The following COL28A1 variants were observed in gnomAD, a reference collection of about 807,000 sequenced individuals.
The protein encoded by COL28A1 is collagen alpha-1(XXVIII) chain.
In COL28A1, 161 loss-of-function variants were observed where a neutral mutation model predicts 150.2. The observed-to-expected ratio is 1.07, with a 90% CI of 0.94 to 1.22. The LOEUF is 1.22. Among genes scored for constraint, COL28A1 ranks in the 50% most tolerant of loss-of-function variants. The probability of loss-of-function intolerance (pLI) is 0.00; values close to 1 mark genes in which losing one functional copy is unlikely to be tolerated. For missense variants in COL28A1, 1,617 were observed against 1,388.3 expected, an observed-to-expected ratio of 1.16 and a Z score of -2.62; for synonymous variants, 552 against 469.7, an observed-to-expected ratio of 1.18 and a Z score of -2.26.
intron 20 of COL28A1, among the ~76,000 whole-genome samples, chr7:7,442,411 T>C (rs905048745): frequency 6.6e-6 from 1 of 152,078 alleles, no homozygotes; most frequent in Non-Finnish European, 1.5e-5. Flanking sequence ...CAAAAACACA[T>C]CCTAAAAACA....
At chr7:7,459,978 T>C (rs1279859671) in intron 15 of COL28A1, among the ~76,000 whole-genome samples, 5 of 152,228 alleles carry the variant, frequency 3.3e-5, no homozygotes, top group Admixed American at 3.3e-4. Context: ...GCTACTTCTA[T>C]CAGTTATGAC....
At chr7:7,475,172 T>C (rs1788759556) in intron 14 of COL28A1, among the ~76,000 whole-genome samples, 1 of 152,214 alleles carries the variant, frequency 6.6e-6, no homozygotes, top group Non-Finnish European at 1.5e-5. Flanking sequence ...GAAAATCTTC[T>C]TAGATATGCT....
chr7:7,425,152 T>C (rs183810069), intron 25 of COL28A1, among the ~76,000 whole-genome samples: 37 of 152,294 alleles, frequency 2.4e-4, no homozygotes, highest in Admixed American at 2.0e-3. Flanking sequence ...CCTGATCTTA[T>C]CAACATCAAC....
intron 25 of COL28A1, among the ~76,000 whole-genome samples, chr7:7,430,402 C>T (rs760758995): frequency 2.0e-5 from 3 of 152,308 alleles, no homozygotes; most frequent in East Asian, 1.9e-4. Context: ...GCTGGAATTA[C>T]AGGCATGAGC....
intron 19 of COL28A1, 54 bp from the exon 20 acceptor site, chr7:7,443,707 G>A (rs1335565418): frequency 6.8e-6 from 11 of 1,606,302 alleles, no homozygotes; most frequent in East Asian, 2.2e-5. Flanking sequence ...CAGACTGTAC[G>A]TATCATCCCA....
At chr7:7,497,176 T>C (rs1031308536) in intron 11 of COL28A1, among the ~76,000 whole-genome samples, 3 of 152,180 alleles carry the variant, frequency 2.0e-5, no homozygotes, top group Non-Finnish European at 4.4e-5. Flanking sequence ...TCAAGCTCCA[T>C]TTTTAGCACC....
chr7:7,443,716 C>T, intron 19 of COL28A1, 63 bp from the exon 20 acceptor site: 1 of 1,595,868 alleles, frequency 6.3e-7, no homozygotes, highest in Non-Finnish European at 8.5e-7. Flanking sequence ...CGTATCATCC[C>T]ACCTTGTCTC....
chr7:7,350,782 G>A, the COL28A1 span, among the ~76,000 whole-genome samples: 8 of 147,984 alleles, frequency 5.4e-5, no homozygotes, highest in South Asian at 8.4e-4. Context: ...TTATTAAGAC[G>A]TACAAAAAAA....
At chr7:7,378,744 A>C (rs1432041120) in intron 30 of COL28A1, among the ~76,000 whole-genome samples, 1 of 152,212 alleles carries the variant, frequency 6.6e-6, no homozygotes, top group African/African-American at 2.4e-5. Flanking sequence ...CGTAATGTCC[A>C]ACCTGACTTG....
chr7:7,476,659 G>T (rs1788912728), intron 14 of COL28A1, among the ~76,000 whole-genome samples: 1 of 152,120 alleles, frequency 6.6e-6, no homozygotes, highest in African/African-American at 2.4e-5. Context: ...TAGTTAAAAA[G>T]GAAGTCTTTC....
rs768202073 is a variant in COL28A1 at position 7,489,458 on chromosome 7, C to T, written c.1096-1G>A. 1 of 1,286,502 alleles carries T rather than the reference C, an allele frequency of 7.8e-7. No individual in the cohort carries two copies. The highest frequency in any genetic ancestry group is 2.3e-5 in the East Asian group (1 of 43,440). The allele number at this position is 1,286,502 out of a possible 1,614,324, so 79.7% of individuals were successfully genotyped here. ...GTCTTCCTTCTTGGCCTCTTTCTCC[C>T]TAAGAGAAAGAAATAATAGAATGAA... On this transcript the variant is annotated splice_acceptor_variant, in intron 12 of 34. Coordinates refer to ENST00000399429, the MANE Select transcript of COL28A1 (RefSeq NM_001037763.3). LOFTEE classifies it high-confidence loss of function.
downstream of COL28A1, among the ~76,000 whole-genome samples, chr7:7,352,367 A>C (rs375713368): frequency 2.4e-4 from 37 of 152,176 alleles, no homozygotes; most frequent in Non-Finnish European, 1.0e-4. Context: ...CTGCTCCCCA[A>C]TCTCTCCTGT....
intron 5 of COL28A1, among the ~76,000 whole-genome samples, chr7:7,521,169 C>T (rs559301320): frequency 1.3e-5 from 2 of 152,208 alleles, no homozygotes; most frequent in South Asian, 4.2e-4. Context: ...TGGAATTATA[C>T]AAATAAATAG....
chr7:7,451,140 G>A (rs1432674098), intron 18 of COL28A1, among the ~76,000 whole-genome samples: 1 of 152,064 alleles, frequency 6.6e-6, no homozygotes, highest in Non-Finnish European at 1.5e-5. Context: ...AGTCAGTGTG[G>A]TAAAACATTA....
At chr7:7,493,762 GA>G (rs1780052636) in intron 11 of COL28A1, among the ~76,000 whole-genome samples, 2 of 151,958 alleles carry the variant, frequency 1.3e-5, no homozygotes, top group African/African-American at 4.8e-5. Flanking sequence ...AACAGGGAGG[GA>G]AGAGTCAGCA....
At chr7:7,384,101 T>C (rs1782048092) in intron 27 of COL28A1, among the ~76,000 whole-genome samples, 1 of 152,112 alleles carries the variant, frequency 6.6e-6, no homozygotes, top group African/African-American at 2.4e-5. Context: ...TGGTATTGCC[T>C]CCCCAGTTCA....
chr7:7,368,266 T>C (rs1251977858), intron 33 of COL28A1, among the ~76,000 whole-genome samples: 1 of 152,148 alleles, frequency 6.6e-6, no homozygotes, highest in African/African-American at 2.4e-5. Flanking sequence ...TAATTAGTCC[T>C]TAAATTACCT....
chr7:7,401,020 G>GTT (rs1554264707), intron 27 of COL28A1, among the ~76,000 whole-genome samples: 1 of 147,208 alleles, frequency 6.8e-6, no homozygotes, highest in East Asian at 2.0e-4. Flanking sequence ...GTGTGTGTGT[G>GTT]TGTGTACAGC....
chr7:7,539,311 G>A (rs753637759), upstream of COL28A1, among the ~76,000 whole-genome samples: 3 of 152,172 alleles, frequency 2.0e-5, no homozygotes, highest in Non-Finnish European at 2.9e-5. Context: ...GGGGACCAGC[G>A]TGTGCAGATC....
Sources: gnomAD v4.1 joint callset for allele counts (sites outside exome capture counted in the v4.1 genomes callset) on GRCh38, gnomAD v4.1.1 for gene constraint, MANE v1.5 for transcripts, NCBI Gene and HGNC (gene_info 2026-07-23, HGNC 2026-07-21) for gene names.